Variants in ORC2 observed in about 807,000 individuals in gnomAD.
ORC2 encodes origin recognition complex subunit 2.
ORC2 carries 37 observed loss-of-function variants against 77.7 expected under a neutral mutation model. The observed-to-expected ratio is 0.48, with a 90% confidence interval of 0.37 to 0.63. The LOEUF is 0.63. Among genes scored for constraint, ORC2 ranks in the 20% least tolerant of loss-of-function variants. The pLI is 0.00. For missense variants in ORC2, 557 were observed against 661.9 expected (o/e 0.84, Z 1.74); for synonymous variants, 201 against 229.5 (o/e 0.88, Z 1.12).
chr2:200,935,383 A>G (rs2041020832), intron 9 of ORC2, among the ~76,000 whole-genome samples: 1 of 152,228 alleles, frequency 6.6e-6, no homozygotes, highest in South Asian at 2.1e-4. Context: ...TTGGCCTCCC[A>G]AAGTGCTGGG....
intron 6 of ORC2, among the ~76,000 whole-genome samples, chr2:200,942,079 C>T (rs2041164308): frequency 6.6e-6 from 1 of 151,798 alleles, no homozygotes; most frequent in Non-Finnish European, 1.5e-5. Flanking sequence ...ACACGAGAGG[C>T]TGAGGCTAGA....
chr2:200,950,516 A>G (rs2041333301), intron 4 of ORC2, among the ~76,000 whole-genome samples: 1 of 152,196 alleles, frequency 6.6e-6, no homozygotes, highest in South Asian at 2.1e-4. Context: ...TCGTAATAAT[A>G]CTAAGACATT....
rs142752485 is a variant in ORC2, at chr2:200,936,101, G to A, written c.515-209C>T. Among the ~76,000 whole-genome samples, 48 of 152,268 alleles carry A rather than the reference G, an allele frequency of 3.2e-4. No homozygotes were observed. The East Asian group carries it at 6.7e-3, about 21-fold the overall frequency. Reference sequence around the variant, plus strand: ...TAGTACATAGTTTAATAAACCATTAGGAAGATTACATTGAAATGTATATAA... The same window carrying A: ...TAGTACATAGTTTAATAAACCATTAAGAAGATTACATTGAAATGTATATAA... On this transcript the variant is annotated intron_variant, in intron 8 of 17. Coordinates refer to ENST00000234296, the MANE Select transcript of ORC2 (RefSeq NM_006190.5).
chr2:200,957,803 G>A (rs2041498403), intron 3 of ORC2, among the ~76,000 whole-genome samples: 1 of 151,512 alleles, frequency 6.6e-6, no homozygotes, highest in Non-Finnish European at 1.5e-5. Flanking sequence ...GTAGTTATTA[G>A]TGACTACCAC....
chr2:200,951,021 G>A (rs2041345150), intron 4 of ORC2, among the ~76,000 whole-genome samples: 1 of 152,154 alleles, frequency 6.6e-6, no homozygotes, highest in Non-Finnish European at 1.5e-5. Context: ...TCATTTGAAG[G>A]AAAGTGCTGG....
At chr2:200,944,020 T>G (rs1238997712) in intron 5 of ORC2, among the ~76,000 whole-genome samples, 1 of 152,096 alleles carries the variant, frequency 6.6e-6, no homozygotes, top group African/African-American at 2.4e-5. Context: ...AAAAACTTCA[T>G]ATGAAAAGAA....
At chr2:200,958,605 T>C (rs1246317658) in intron 2 of ORC2, among the ~76,000 whole-genome samples, 1 of 152,226 alleles carries the variant, frequency 6.6e-6, no homozygotes, top group Non-Finnish European at 1.5e-5. Context: ...ACTTCACTTG[T>C]GTCCTAAGCC....
chr2:200,924,655 A>C (rs535535291), intron 13 of ORC2, among the ~76,000 whole-genome samples: 13 of 152,356 alleles, frequency 8.5e-5, no homozygotes, highest in African/African-American at 3.1e-4. Flanking sequence ...ATTTTCTGAC[A>C]TACTCACATA....
chr2:200,929,796 G>T lies in ORC2; in HGVS notation c.917+1543C>A, dbSNP rs906484000. Among the ~76,000 whole-genome samples, 5 of 132,460 alleles carry T rather than the reference G, an allele frequency of 3.8e-5. No individual in the cohort carries two copies. The Admixed American group carries it at 3.8e-4, about 10-fold the overall frequency. The allele number at this position is 132,460 out of a possible 152,430, so 86.9% of individuals were successfully genotyped here. A position where few individuals can be genotyped will look rare whatever the true frequency, so the allele number is the denominator to read the frequency against. On this transcript the variant is annotated intron_variant, in intron 11 of 17. Coordinates refer to ENST00000234296, the MANE Select transcript of ORC2 (RefSeq NM_006190.5). ...GTGAGACTGTCTCTTAAAAAGAAAA[G>T]AAAAAAAAAAAAGAATGACTCAGTT...
chr2:200,958,844 G>A (rs371389747), intron 2 of ORC2, among the ~76,000 whole-genome samples: 64 of 152,158 alleles, frequency 4.2e-4, no homozygotes, highest in African/African-American at 1.3e-3. Context: ...AACTTACTAT[G>A]CTACTGGCCT....
intron 11 of ORC2, 154 bp from the exon 12 acceptor site, chr2:200,927,054 C>G: frequency 1.4e-6 from 1 of 724,380 alleles, no homozygotes. Flanking sequence ...TTTGGGAAGG[C>G]AAACGCAAAA....
In ORC2 at chr2:200,911,244, A is replaced by C; in HGVS notation, c.*57T>G. 1 of 947,822 alleles carries C rather than the reference A, an allele frequency of 1.1e-6. No homozygotes were observed. The highest frequency in any genetic ancestry group is 1.7e-6 in the Non-Finnish European group (1 of 581,708). 58.7% of individuals were successfully genotyped at this position (947,822 alleles called of 1,614,324 possible). On this transcript the variant is annotated 3_prime_UTR_variant, in exon 18 of 18. Transcript: ENST00000234296. ...ATGTAAACACAACACTTTCAACTAG[A>C]GGAGTGGCAGCTGGGGTACAACCCT...
intron 13 of ORC2, among the ~76,000 whole-genome samples, chr2:200,922,428 A>G (rs914569179): frequency 6.3e-5 from 8 of 127,848 alleles, no homozygotes; most frequent in African/African-American, 3.3e-4. Context: ...AAAATACTGA[A>G]ACCGTATGAA....
chr2:200,935,537 G>C (rs2041024816), intron 9 of ORC2, among the ~76,000 whole-genome samples, 162 bp downstream of exon 9: 1 of 152,186 alleles, frequency 6.6e-6, no homozygotes, highest in Non-Finnish European at 1.5e-5. Context: ...AGAAAGCCCA[G>C]AAGTAGAAAC....
intron 5 of ORC2, among the ~76,000 whole-genome samples, chr2:200,946,197 A>C (rs914642257): frequency 5.3e-5 from 8 of 151,686 alleles, no homozygotes; most frequent in African/African-American, 1.9e-4. Context: ...ACTAGGTTGC[A>C]CGGGCTGGTC....
At chr2:200,959,758 T>A (rs1211762800) in intron 1 of ORC2, among the ~76,000 whole-genome samples, 1 of 152,118 alleles carries the variant, frequency 6.6e-6, no homozygotes, top group Non-Finnish European at 1.5e-5. Context: ...GGTTCATACT[T>A]TGTGTATAAA....
chr2:200,957,934 C>CT, intron 3 of ORC2, 96 bp downstream of exon 3: 2 of 769,114 alleles, frequency 2.6e-6, no homozygotes, highest in East Asian at 5.3e-5. Flanking sequence ...ATCCTTTGCG[C>CT]TATATTTTCA....
intron 15 of ORC2, 85 bp downstream of exon 15, chr2:200,920,137 G>T: frequency 1.1e-6 from 1 of 941,790 alleles, no homozygotes; most frequent in South Asian, 2.2e-5. Flanking sequence ...AACTAACTAG[G>T]GACTTCAGTA....
Position 200,933,945 on chromosome 2 carries a change from A to G in ORC2, c.738T>C (p.Ala246=). The change falls in exon 10 of 18, where the codon GCT becomes GCC. Residue 246 remains alanine, a synonymous_variant. Transcript: ENST00000234296. Reference sequence around the variant, plus strand: ...AGGTTAAAACTTTTGAACTGCTGTGAGCTTCAAAATATTCTTCTACTAAGT... The same window carrying G: ...AGGTTAAAACTTTTGAACTGCTGTGGGCTTCAAAATATTCTTCTACTAAGT... ...TSDLVEEYFE[A]HSSSKVLTSD... 6.2e-7 allele frequency: 1 copy of G among 1,608,754 alleles called. No individual in the cohort carries two copies. Among genetic ancestry groups the G allele is most frequent in the Non-Finnish European group, 8.5e-7 (1 of 1,176,398 alleles).
Sources: gnomAD v4.1 joint callset for allele counts (sites outside exome capture counted in the v4.1 genomes callset) on GRCh38, gnomAD v4.1.1 for gene constraint, MANE v1.5 for transcripts, NCBI Gene and HGNC (gene_info 2026-07-23, HGNC 2026-07-21) for gene names.